Variants in ARB2A observed in about 807,000 individuals in gnomAD.
ARB2A encodes the protein ARB2 cotranscriptional regulator A.
the ARB2A span, among the ~76,000 whole-genome samples, chr5:93,624,397 GA>G: frequency 6.6e-6 from 1 of 152,190 alleles, no homozygotes; most frequent in African/African-American, 2.4e-5. Flanking sequence ...CTAATTTAGA[GA>G]GTTTCACAAA....
At chr5:93,831,994 A>G in the ARB2A span, among the ~76,000 whole-genome samples, 1 of 152,154 alleles carries the variant, frequency 6.6e-6, no homozygotes, top group Non-Finnish European at 1.5e-5. Flanking sequence ...AATATCCACA[A>G]GGGGGTCTTT....
the ARB2A span, chr5:94,111,627 G>A: frequency 6.6e-6 from 1 of 152,238 alleles, no homozygotes; most frequent in Non-Finnish European, 1.5e-5. Flanking sequence ...CGGGATCCGC[G>A]CCCCGACCAA....
the ARB2A span, among the ~76,000 whole-genome samples, chr5:94,004,724 A>G: frequency 6.6e-6 from 1 of 152,072 alleles, no homozygotes; most frequent in Admixed American, 6.6e-5. Flanking sequence ...ATACTGAATT[A>G]GCAAATACTG....
chr5:93,816,170 C>T, the ARB2A span, among the ~76,000 whole-genome samples: 2 of 152,216 alleles, frequency 1.3e-5, no homozygotes, highest in East Asian at 3.9e-4. Flanking sequence ...GAAGTCCTTT[C>T]CAATTTGAGA....
At chr5:93,785,728 A>T in the ARB2A span, among the ~76,000 whole-genome samples, 1 of 152,174 alleles carries the variant, frequency 6.6e-6, no homozygotes, top group Non-Finnish European at 1.5e-5. Flanking sequence ...TTTTCTGCTT[A>T]TATAATATAA....
At chr5:94,084,828 G>T in the ARB2A span, among the ~76,000 whole-genome samples, 1 of 151,996 alleles carries the variant, frequency 6.6e-6, no homozygotes, top group African/African-American at 2.4e-5. Context: ...AAAAGAAAAA[G>T]AAATAAATTA....
chr5:93,983,358 G>A, the ARB2A span, among the ~76,000 whole-genome samples: 1 of 152,090 alleles, frequency 6.6e-6, no homozygotes, highest in African/African-American at 2.4e-5. Context: ...AGAAAATACT[G>A]AAAGAGTGGC....
chr5:93,926,625 A>G, the ARB2A span, among the ~76,000 whole-genome samples: 1 of 152,072 alleles, frequency 6.6e-6, no homozygotes, highest in African/African-American at 2.4e-5. Flanking sequence ...GTTCCACTCC[A>G]GATGAGCTAT....
the ARB2A span, among the ~76,000 whole-genome samples, chr5:93,868,554 C>T: frequency 1.3e-5 from 2 of 152,148 alleles, no homozygotes; most frequent in Non-Finnish European, 2.9e-5. Flanking sequence ...TACCTATAGA[C>T]AAGCTGAAAT....
chr5:93,640,533 C>CT, the ARB2A span, among the ~76,000 whole-genome samples: 2 of 150,786 alleles, frequency 1.3e-5, no homozygotes, highest in African/African-American at 2.5e-5. Context: ...TTTCAAAACT[C>CT]TAACTGTGCT....
At chr5:94,066,923 T>C in the ARB2A span, among the ~76,000 whole-genome samples, 2 of 152,090 alleles carry the variant, frequency 1.3e-5, no homozygotes. Flanking sequence ...CTGACAAACA[T>C]AGGTGTAAAA....
chr5:93,865,080 C>A, the ARB2A span, among the ~76,000 whole-genome samples: 1 of 152,130 alleles, frequency 6.6e-6, no homozygotes, highest in Non-Finnish European at 1.5e-5. Context: ...GATGTATCAT[C>A]CTGGCTAATT....
At chr5:93,682,802 C>T in the ARB2A span, 473 of 1,119,062 alleles carry the variant, frequency 4.2e-4, no homozygotes, top group Non-Finnish European at 5.8e-4. Context: ...TGAAATAAGA[C>T]GGAAAATTTT....
At chr5:93,719,398 G>A in the ARB2A span, among the ~76,000 whole-genome samples, 345 of 152,256 alleles carry the variant, frequency 2.3e-3, 1 homozygote, top group African/African-American at 7.8e-3. Context: ...ATCCAGAGAC[G>A]TTCAACTGGC....
chr5:93,928,637 C>T, the ARB2A span, among the ~76,000 whole-genome samples: 5 of 152,142 alleles, frequency 3.3e-5, no homozygotes, highest in East Asian at 3.9e-4. Flanking sequence ...GCTTTTAGAT[C>T]GTAAGAGTTA....
the ARB2A span, among the ~76,000 whole-genome samples, chr5:93,690,593 T>C: frequency 6.6e-6 from 1 of 151,962 alleles, no homozygotes. Context: ...CCCTGGGACA[T>C]AGCACCTGGG....
At chr5:93,775,106 G>C in the ARB2A span, among the ~76,000 whole-genome samples, 2 of 151,932 alleles carry the variant, frequency 1.3e-5, no homozygotes, top group Non-Finnish European at 2.9e-5. Flanking sequence ...CTGTCTCTGT[G>C]GTTGAACCCT....
chr5:93,947,649 A>T, the ARB2A span, among the ~76,000 whole-genome samples: 2 of 138,200 alleles, frequency 1.4e-5, no homozygotes, highest in Non-Finnish European at 3.1e-5. Context: ...TATATCTCCT[A>T]ATGCTATCCC....
At chr5:93,777,181 A>T in the ARB2A span, among the ~76,000 whole-genome samples, 1 of 148,020 alleles carries the variant, frequency 6.8e-6, no homozygotes, top group Middle Eastern at 3.4e-3. Context: ...GGGGGCAGGG[A>T]TAGCATTGGG....
Sources: gnomAD v4.1 joint callset for allele counts (sites outside exome capture counted in the v4.1 genomes callset) on GRCh38, gnomAD v4.1.1 for gene constraint, MANE v1.5 for transcripts, NCBI Gene and HGNC (gene_info 2026-07-23, HGNC 2026-07-21) for gene names.